Variants in ACAN observed in about 807,000 individuals in gnomAD.
ACAN encodes the protein aggrecan.
Under a neutral mutation model 169.1 loss-of-function variants are expected in ACAN, and 47 were observed. That is an observed-to-expected ratio of 0.28 (90% CI 0.22 to 0.35). The LOEUF is 0.35. ACAN is among the 10% of genes least tolerant of loss of function. The pLI, the probability that ACAN is intolerant of heterozygous loss-of-function variation, is 1.00. For synonymous variants in ACAN, 1,115 were observed against 1,112.2 expected, an observed-to-expected ratio of 1.00 and a Z score of -0.05; for missense variants, 2,716 against 2,759.9, an observed-to-expected ratio of 0.98 and a Z score of 0.36.
In ACAN at chr15:88,849,488, C is replaced by G. The variant is rs765912431; in HGVS notation, c.1783C>G (p.Leu595Val). 1.4e-5 allele frequency: 22 copies of G among 1,607,434 alleles called. No homozygotes were observed. Among genetic ancestry groups the G allele is most frequent in the Non-Finnish European group, 1.9e-5 (22 of 1,176,102 alleles). ...TGAGCAGTTCACCTTCCAGGAAGCA[C>G]TGGAGTTCTGTGAATCTCACAATGC... Reference protein sequence around the residue: ...RLEQFTFQEALEFCESHNATL... With the variant: ...RLEQFTFQEAVEFCESHNATL... The change falls in exon 10 of 19, where the codon CTG becomes GTG. Residue 595 changes from leucine to valine, a missense_variant. Physicochemically the swap from Leu to Val is conservative, Grantham distance 32. This residue lies in a region of ACAN where 1,283 missense variants were observed against 1,281.5 expected (regional missense o/e 1.00). Coordinates refer to ENST00000560601, the MANE Select transcript of ACAN (RefSeq NM_001369268.1). The surrounding 1 kb of genome is among the most constrained non-coding windows in gnomAD (Gnocchi z 5.1).
At chr15:88,811,119 C>G (rs933563092) in intron 1 of ACAN, among the ~76,000 whole-genome samples, 3 of 152,188 alleles carry the variant, frequency 2.0e-5, no homozygotes, top group African/African-American at 7.2e-5. Context: ...CCTTCCAAGG[C>G]CAGCAACAGG....
intron 1 of ACAN, among the ~76,000 whole-genome samples, chr15:88,820,528 A>G (rs1896050322): frequency 2.0e-5 from 3 of 152,082 alleles, no homozygotes; most frequent in South Asian, 2.1e-4. Context: ...TTAATGCTAC[A>G]CCACTTGGAC....
chr15:88,847,984 G>A lies in ACAN; in HGVS notation c.1678G>A (p.Val560Met), dbSNP rs770141611. ...DSSPGVRTYG[V>M]RPSTETYDVY... ...CAGCCCAGGGGTCAGGACCTATGGC[G>A]TGCGCCCATCAACAGAGACCTACGA... Residue 560 changes from valine (V) to methionine (M), a missense_variant, in exon 9 of 19, where the codon GTG becomes ATG. Physicochemically the swap from Val to Met is conservative, Grantham distance 21 (BLOSUM62 1). Coordinates refer to ENST00000560601, the MANE Select transcript of ACAN (RefSeq NM_001369268.1). 1.9e-4 allele frequency: 309 copies of A among 1,614,020 alleles called. 1 individual carries two copies. Among genetic ancestry groups the A allele is most frequent in the South Asian group, 1.3e-3 (116 of 91,088 alleles).
At chr15:88,822,771 A>G (rs544694039) in intron 1 of ACAN, among the ~76,000 whole-genome samples, 1 of 152,284 alleles carries the variant, frequency 6.6e-6, no homozygotes, top group East Asian at 1.9e-4. Context: ...GGTCCTTCCC[A>G]GACCCTGGAA....
intron 9 of ACAN, among the ~76,000 whole-genome samples, chr15:88,848,242 T>C (rs938493259): frequency 1.2e-4 from 19 of 152,142 alleles, no homozygotes; most frequent in African/African-American, 4.3e-4. Flanking sequence ...ACTGAATGTT[T>C]CATGTGGTCT....
At chr15:88,834,952 G>A (rs1039786099) in intron 1 of ACAN, among the ~76,000 whole-genome samples, 5 of 152,180 alleles carry the variant, frequency 3.3e-5, no homozygotes, top group African/African-American at 1.2e-4. Flanking sequence ...CTGGAGTCAG[G>A]GTTCCAATTG....
chr15:88,806,973 T>A (rs1895698263), intron 1 of ACAN, among the ~76,000 whole-genome samples: 1 of 152,218 alleles, frequency 6.6e-6, no homozygotes, highest in African/African-American at 2.4e-5. Context: ...AGGGTATGTA[T>A]GTTTATAATA....
chr15:88,855,335 G>GACT lies in ACAN; in HGVS notation c.2753_2755dup (p.Leu918dup), dbSNP rs2141603450. 2 of 1,612,688 alleles carry GACT rather than the reference G, an allele frequency of 1.2e-6. No individual in the cohort carries two copies. The highest frequency in any genetic ancestry group is 1.7e-6 in the Non-Finnish European group (2 of 1,179,090). The stretch of plus-strand genomic sequence containing the variant: ...GGCTCAGGCCTGCCTGTGGAAAGTG[G>GACT]ACTACCCTCAGGGGATGAAGAGAGA... On this transcript the variant is annotated inframe_insertion, in exon 12 of 19. Transcript: ENST00000560601.
intron 13 of ACAN, among the ~76,000 whole-genome samples, chr15:88,864,414 C>T (rs1322308437): frequency 6.6e-6 from 1 of 151,952 alleles, no homozygotes; most frequent in Non-Finnish European, 1.5e-5. Context: ...ATTACAGGCA[C>T]ACATCACCAC....
chr15:88,848,728 G>A (rs185269043), intron 9 of ACAN, among the ~76,000 whole-genome samples: 4,142 of 152,288 alleles, frequency 0.027, 193 homozygotes, highest in African/African-American at 0.095. Context: ...TGGTGTTCCA[G>A]AAAGATTTCG....
chr15:88,862,089 G>C (rs1395759067), intron 13 of ACAN, among the ~76,000 whole-genome samples: 1 of 152,172 alleles, frequency 6.6e-6, no homozygotes, highest in Non-Finnish European at 1.5e-5. Flanking sequence ...GGCTAAATAA[G>C]AAACTCCCTC....
chr15:88,850,543 G>C (rs1171940131), intron 10 of ACAN: 1 of 152,184 alleles, frequency 6.6e-6, no homozygotes, highest in Non-Finnish European at 1.5e-5. Context: ...AAAACTGAGT[G>C]TCTTTGCAAC....
At position 88,847,235 on chromosome 15, in the gene ACAN, C is replaced by T. The variant is rs1164291954; in HGVS notation, c.1430-8C>T. 1.3e-6 allele frequency: 2 copies of T among 1,538,912 alleles called. No homozygotes were observed. The highest frequency in any genetic ancestry group is 2.4e-5 in the South Asian group (2 of 83,388). On this transcript the variant is annotated splice_polypyrimidine_tract_variant and splice_region_variant and intron_variant, in intron 7 of 18. Coordinates refer to ENST00000560601, the MANE Select transcript of ACAN (RefSeq NM_001369268.1). ...CCTGAACCTGACCGCTCCCTCCTCC[C>T]CACCCAGGGGTCGTCTTCCACTACC...
Position 88,859,121 on chromosome 15 carries a change from C to T in ACAN, c.6536C>T (p.Thr2179Ile), listed in dbSNP as rs376406609. 1.2e-5 allele frequency: 19 copies of T among 1,613,750 alleles called. No individual in the cohort carries two copies. The highest frequency in any genetic ancestry group is 1.5e-5 in the Non-Finnish European group (18 of 1,179,906). The change falls in exon 12 of 19, where the codon ACA becomes ATA. Residue 2179 changes from threonine to isoleucine, a missense_variant. Thr to Ile is a moderately conservative substitution (Grantham distance 89). Around this residue, in one of 3 missense-constraint regions of ACAN, gnomAD observed 1,389 missense variants for 1,363.7 expected, o/e 1.02. Transcript: ENST00000560601. The part of the protein sequence containing the change: ...GESTTTSDVG[T>I]EAPGLPSATP... ...TCCACCACCACCAGTGATGTGGGGA[C>T]AGAGGCACCAGGCTTGCCTTCAGCC...
chr15:88,854,878 G>A lies in ACAN; in HGVS notation c.2293G>A (p.Gly765Ser). 1 of 1,508,418 alleles carries A rather than the reference G, an allele frequency of 6.6e-7. No individual in the cohort carries two copies. The highest frequency in any genetic ancestry group is 1.4e-5 in the South Asian group (1 of 69,134). 93.4% of individuals were successfully genotyped at this position (1,508,418 alleles called of 1,614,324 possible). The part of the protein sequence containing the change: ...PGILPTWPPT[G>S]AATEESTEGP... ...GATCCTTCCTACTTGGCCTCCCACT[G>A]GCGCAGCAACAGAGGAAAGTACAGA... Residue 765 changes from glycine (G) to serine (S), a missense_variant, in exon 12 of 19, where the codon GGC (glycine) becomes AGC (serine). Transcript: ENST00000560601.
chr15:88,842,424 TG>T (rs1401861140), intron 5 of ACAN, among the ~76,000 whole-genome samples: 2 of 152,128 alleles, frequency 1.3e-5, no homozygotes, highest in African/African-American at 4.8e-5. Flanking sequence ...CCCACGCACG[TG>T]GATGACACCC....
rs912198956 is a variant in ACAN at position 88,845,424 on chromosome 15, G to C, written c.1052-81G>C. Reference sequence around the variant, plus strand: ...CCAGCAGGGAAGGAGGGGGAGCCATGCTCATCTCCAGCCCACTCCTCATCC... The same window carrying C: ...CCAGCAGGGAAGGAGGGGGAGCCATCCTCATCTCCAGCCCACTCCTCATCC... On this transcript the variant is annotated intron_variant, in intron 6 of 18. Transcript: ENST00000560601. 12 of 1,511,284 alleles carry C rather than the reference G, an allele frequency of 7.9e-6. No homozygotes were observed. The African/African-American group carries it at 1.5e-4, about 19-fold the overall frequency. The allele number at this position is 1,511,284 out of a possible 1,614,324, so 93.6% of individuals were successfully genotyped here.
chr15:88,806,898 G>T (rs1895696702), intron 1 of ACAN, among the ~76,000 whole-genome samples: 1 of 152,140 alleles, frequency 6.6e-6, no homozygotes, highest in South Asian at 2.1e-4. Flanking sequence ...TGCCTCCTAT[G>T]TAGCAAAGGT....
chr15:88,860,275 TA>T lies in ACAN; in HGVS notation c.6833-50del. 10 of 1,371,448 alleles carry T rather than the reference TA, an allele frequency of 7.3e-6. No homozygotes were observed. In the South Asian group the frequency reaches 1.3e-4, roughly 18 times the overall value. 85.0% of individuals were successfully genotyped at this position (1,371,448 alleles called of 1,614,324 possible). A position where few individuals can be genotyped will look rare whatever the true frequency, so the allele number is the denominator to read the frequency against. On this transcript the variant is annotated intron_variant, in intron 12 of 18. Coordinates refer to ENST00000560601, the MANE Select transcript of ACAN (RefSeq NM_001369268.1). ...AACTTTGAGGTCTTGGAGGCCATGG[TA>T]GCCAGGTGACTGTGTTCTTGATGCT...
Sources: allele counts gnomAD v4.1 joint callset (sites outside exome capture counted in the v4.1 genomes callset), GRCh38; gene constraint gnomAD v4.1.1; regional missense constraint gnomAD v4.1.1; non-coding constraint Gnocchi (gnomAD v3.1); transcripts MANE v1.5; gene names NCBI Gene and HGNC (gene_info 2026-07-23, HGNC 2026-07-21).